SLC28A3: variants seen among roughly 807,000 people sequenced by gnomAD.
SLC28A3 encodes concentrative Na(+)-nucleoside cotransporter 3.
Under a neutral mutation model 84.2 loss-of-function variants are expected in SLC28A3, and 68 were observed. The ratio of observed to expected loss-of-function variants is 0.81; its 90% confidence interval spans 0.66 to 0.99. SLC28A3 has a LOEUF of 0.99. Among genes scored for constraint, SLC28A3 ranks in the 50% least tolerant of loss-of-function variants. The probability of loss-of-function intolerance (pLI) is 0.00; values close to 1 mark genes in which losing one functional copy is unlikely to be tolerated. For missense variants in SLC28A3, 712 were observed against 841.5 expected (o/e 0.85, Z 1.90); for synonymous variants, 267 against 303.6 (o/e 0.88, Z 1.25).
intron 1 of SLC28A3, among the ~76,000 whole-genome samples, chr9:84,316,862 G>A (rs1826185432): frequency 6.6e-6 from 1 of 152,096 alleles, no homozygotes; most frequent in East Asian, 1.9e-4. Context: ...TTAGCTGGGC[G>A]TGGTGGCGGG....
chr9:84,342,350 G>T (rs1693985689), upstream of SLC28A3, among the ~76,000 whole-genome samples: 1 of 151,650 alleles, frequency 6.6e-6, no homozygotes, highest in South Asian at 2.1e-4. Flanking sequence ...GAGTTTATTT[G>T]GTCTAAGTTT....
rs1207393814 is a variant in SLC28A3 at position 84,291,033 on chromosome 9, G to A, written c.1024-754C>T. ...ATGGGGCTCTCCATAGATAATAGCTGTACTTTTAGCATATTAAGTATCAAA... is the reference window on the plus strand; with the variant it reads ...ATGGGGCTCTCCATAGATAATAGCTATACTTTTAGCATATTAAGTATCAAA... On this transcript the variant is annotated intron_variant, in intron 10 of 17. Transcript: ENST00000376238. 2.0e-5 allele frequency among the ~76,000 whole-genome samples: 3 copies of A among 152,258 alleles called. No homozygotes were observed. The East Asian group carries it at 5.8e-4, about 29-fold the overall frequency.
At chr9:84,366,590 C>T in the SLC28A3 span, among the ~76,000 whole-genome samples, 1 of 152,188 alleles carries the variant, frequency 6.6e-6, no homozygotes, top group African/African-American at 2.4e-5. Context: ...GCTATATCTG[C>T]TTTGGGGGAC....
intron 1 of SLC28A3, among the ~76,000 whole-genome samples, chr9:84,337,219 C>G (rs1287459375): frequency 6.6e-6 from 1 of 152,134 alleles, no homozygotes; most frequent in Non-Finnish European, 1.5e-5. Flanking sequence ...CTTATTTCTG[C>G]CTGTCCTTCT....
At chr9:84,331,240 G>A (rs1023193074) in intron 1 of SLC28A3, among the ~76,000 whole-genome samples, 2 of 152,122 alleles carry the variant, frequency 1.3e-5, no homozygotes, top group African/African-American at 2.4e-5. Flanking sequence ...GTGTTTTTGT[G>A]TGTGTGTGTT....
intron 12 of SLC28A3, among the ~76,000 whole-genome samples, chr9:84,286,969 C>T (rs1425571517): frequency 1.3e-5 from 2 of 151,966 alleles, no homozygotes; most frequent in Non-Finnish European, 2.9e-5. Flanking sequence ...TTTGGGAAGC[C>T]GAGGCAGGTA....
chr9:84,282,881 T>G (rs1300198547), intron 14 of SLC28A3, among the ~76,000 whole-genome samples: 5 of 152,216 alleles, frequency 3.3e-5, no homozygotes, highest in African/African-American at 1.2e-4. Context: ...CCCTCTTCTC[T>G]CTCATGGTTT....
chr9:84,284,526 C>T (rs1162855563), intron 14 of SLC28A3, among the ~76,000 whole-genome samples: 1 of 151,984 alleles, frequency 6.6e-6, no homozygotes, highest in Non-Finnish European at 1.5e-5. Flanking sequence ...CATTTTTAAA[C>T]CAAATACATG....
Position 84,278,321 on chromosome 9 carries a change from T to G in SLC28A3, c.1973A>C (p.Glu658Ala), listed in dbSNP as rs1056167883. 1 of 1,613,978 alleles carries G rather than the reference T, an allele frequency of 6.2e-7. No homozygotes were observed. The highest frequency in any genetic ancestry group is 8.5e-7 in the Non-Finnish European group (1 of 1,180,022). ...LSSTVAKGPG[E>A]VIPGGNHSLY... ...ACTGTGGTTTCCTCCTGGGATGACTTCACCAGGACCCTTGGCAACAGTGCT... is the reference window on the plus strand; with the variant it reads ...ACTGTGGTTTCCTCCTGGGATGACTGCACCAGGACCCTTGGCAACAGTGCT... The change falls in exon 18 of 18, where the codon GAA (glutamate) becomes GCA (alanine). Residue 658 changes from glutamate (E) to alanine (A), a missense_variant. Transcript: ENST00000376238.
Position 84,290,220 on chromosome 9 carries a change from G to C in SLC28A3, c.1083C>G (p.His361Gln), listed in dbSNP as rs777707463. The change falls in exon 11 of 18, where the codon CAC becomes CAG. Residue 361 changes from histidine (H) to glutamine (Q), a missense_variant. His to Gln is a conservative substitution (Grantham distance 24, BLOSUM62 0). Coordinates refer to ENST00000376238, the MANE Select transcript of SLC28A3 (RefSeq NM_001199633.2). ...TAGAGAACCCGGCGGTCATGATGGC[G>C]TGGAGTTCAGACTTGGTGATGTAAG... is the stretch of plus-strand genomic sequence containing the variant. The part of the protein sequence containing the change: ...YLPYITKSEL[H>Q]AIMTAGFSTI... 2 of 1,613,982 alleles carry C rather than the reference G, an allele frequency of 1.2e-6. No homozygotes were observed. The highest frequency in any genetic ancestry group is 1.3e-5 in the African/African-American group (1 of 74,922).
Position 84,278,263 on chromosome 9 carries a change from C to T in SLC28A3, c.2031G>A (p.Leu677=). The T allele has an allele frequency of 6.2e-7, 1 of 1,614,022 alleles. No homozygotes were observed. The highest frequency in any genetic ancestry group is 8.5e-7 in the Non-Finnish European group (1 of 1,179,974). ...LYSLKGCCTL[L]NPSTFNCNGI... ...CATTGCAGTTAAAGGTCGATGGATT[C>T]AACAATGTGCAGCAGCCCTTCAAAG... is the stretch of plus-strand genomic sequence containing the variant. The change falls in exon 18 of 18, where the codon TTG becomes TTA. Residue 677 remains leucine, a synonymous_variant. Transcript: ENST00000376238.
chr9:84,293,285 G>T (rs1265391786), intron 9 of SLC28A3, among the ~76,000 whole-genome samples: 1 of 152,144 alleles, frequency 6.6e-6, no homozygotes, highest in Non-Finnish European at 1.5e-5. Flanking sequence ...TTCCACTTTT[G>T]TACTGGCCTT....
rs1184329249 is a variant in SLC28A3, at chr9:84,285,327, A to G, written c.1647+18T>C. 3.7e-6 allele frequency: 6 copies of G among 1,611,406 alleles called. No homozygotes were observed. The highest frequency in any genetic ancestry group is 5.1e-6 in the Non-Finnish European group (6 of 1,178,368). On this transcript the variant is annotated intron_variant, in intron 14 of 17. Transcript: ENST00000376238. ...ATGTGATGAAGAAATGTACTGAGAA[A>G]TTAAAATATTTACTCACTGATATAT...
At position 84,299,644 on chromosome 9, in the gene SLC28A3, C is replaced by A. The variant is rs754131189; in HGVS notation, c.606G>T (p.Val202=). ...TGTACATTATGAGCCCACCGAAGGA[C>A]ACCAGCTGCTGTTGACCCAATTTGG... is the stretch of plus-strand genomic sequence containing the variant. ...DTAKLGQQQL[V]SFGGLIMYIV... Residue 202 remains valine, a synonymous_variant, in exon 6 of 18, where the codon GTG becomes GTT. Coordinates refer to ENST00000376238, the MANE Select transcript of SLC28A3 (RefSeq NM_001199633.2). The A allele has an allele frequency of 1.2e-6, 2 of 1,613,674 alleles. No homozygotes were observed. Among genetic ancestry groups the A allele is most frequent in the African/African-American group, 2.7e-5 (2 of 74,878 alleles).
intron 6 of SLC28A3, 114 bp downstream of exon 6, chr9:84,299,467 C>A: frequency 7.3e-7 from 1 of 1,364,082 alleles, no homozygotes; most frequent in Admixed American, 2.3e-5. Flanking sequence ...ATAATCCCAT[C>A]AAGGTAAGAA....
chr9:84,328,142 G>A (rs936172581), intron 1 of SLC28A3, among the ~76,000 whole-genome samples: 2 of 114,468 alleles, frequency 1.7e-5, no homozygotes, highest in African/African-American at 6.5e-5. Context: ...GGAAGTAATA[G>A]AGGGGGAAAA....
chr9:84,352,105 G>T, the SLC28A3 span, among the ~76,000 whole-genome samples: 1 of 152,092 alleles, frequency 6.6e-6, no homozygotes, highest in Non-Finnish European at 1.5e-5. Flanking sequence ...AATAAGTTAT[G>T]TATGTGGATA....
At chr9:84,309,805 C>G (rs998114617) in intron 2 of SLC28A3, 91 bp from the exon 3 acceptor site, 2 of 981,552 alleles carry the variant, frequency 2.0e-6, no homozygotes, top group East Asian at 2.4e-5. Context: ...GGGCAAAGAA[C>G]TTTCAATAGG....
the SLC28A3 span, among the ~76,000 whole-genome samples, chr9:84,364,472 C>T: frequency 2.0e-5 from 3 of 152,284 alleles, no homozygotes; most frequent in South Asian, 6.2e-4. Flanking sequence ...ATCCTCCTGC[C>T]TTCACCTCCC....
Sources: allele counts gnomAD v4.1 joint callset (sites outside exome capture counted in the v4.1 genomes callset), GRCh38; gene constraint gnomAD v4.1.1; transcripts MANE v1.5; gene names NCBI Gene and HGNC (gene_info 2026-07-23, HGNC 2026-07-21).